Variants in MAPK10 observed in about 807,000 individuals in gnomAD.
MAPK10 encodes JNK3 alpha protein kinase.
Under a neutral mutation model 59.3 loss-of-function variants are expected in MAPK10, and 25 were observed. The observed-to-expected ratio is 0.42, with a 90% CI of 0.31 to 0.59. The LOEUF (loss-of-function observed/expected upper bound fraction) is 0.59, where lower values mean the gene tolerates loss of function less well. Among genes scored for constraint, MAPK10 ranks in the 20% least tolerant of loss-of-function variants. MAPK10 has a pLI of 0.15. For synonymous variants in MAPK10, 190 were observed against 200.5 expected, an observed-to-expected ratio of 0.95 and a Z score of 0.44; for missense variants, 351 against 568.9, an observed-to-expected ratio of 0.62 and a Z score of 3.90.
At chr4:86,095,353 T>G (rs2054028702) in intron 9 of MAPK10, 1 of 151,892 alleles carries the variant, frequency 6.6e-6, no homozygotes, top group Non-Finnish European at 1.5e-5. Context: ...CTATTTTTGC[T>G]TAGGGTTCAA....
Position 86,397,864 on chromosome 4 carries a change from CAAAAAAA to C in MAPK10, c.-121-43227_-121-43221del, listed in dbSNP as rs759585442. Among the ~76,000 whole-genome samples, 13 of 51,772 alleles carry C rather than the reference CAAAAAAA, an allele frequency of 2.5e-4. No homozygotes were observed. The East Asian group carries it at 2.5e-3, about 10-fold the overall frequency. The allele number at this position is 51,772 out of a possible 152,430, so 34.0% of individuals were successfully genotyped here. On this transcript the variant is annotated intron_variant, in intron 1 of 13. Coordinates refer to the MAPK10 transcript ENST00000361569. ...TACGTAAGCTCTGAATCTGCTATGG[CAAAAAAA>C]AAAAAAAAAAAAAAAAAAACTGGCT...
chr4:86,530,025 G>T (rs1359850697), intron 1 of MAPK10, among the ~76,000 whole-genome samples: 9 of 149,678 alleles, frequency 6.0e-5, no homozygotes, highest in African/African-American at 1.7e-4. Context: ...GGGGCTTTTG[G>T]CTGTATATTA....
At chr4:86,493,253 G>T (rs575948006) in intron 1 of MAPK10, among the ~76,000 whole-genome samples, 15 of 152,254 alleles carry the variant, frequency 9.9e-5, no homozygotes, top group African/African-American at 3.6e-4. Flanking sequence ...CCTGATTTGC[G>T]AATCGTTCAT....
intron 1 of MAPK10, among the ~76,000 whole-genome samples, chr4:86,516,433 T>A (rs1248325509): frequency 6.6e-6 from 1 of 152,184 alleles, no homozygotes; most frequent in Non-Finnish European, 1.5e-5. Flanking sequence ...GATGATGGTA[T>A]TTGATGGCAA....
chr4:86,127,075 A>G (rs2060190614), intron 4 of MAPK10, among the ~76,000 whole-genome samples: 1 of 151,984 alleles, frequency 6.6e-6, no homozygotes. Context: ...ATCCCTGCAC[A>G]TTATTTTGTG....
intron 2 of MAPK10, among the ~76,000 whole-genome samples, chr4:86,202,162 T>C (rs2082768207): frequency 6.6e-6 from 1 of 152,092 alleles, no homozygotes; most frequent in Admixed American, 6.6e-5. Flanking sequence ...TTGATATTAT[T>C]TTAAATGGTA....
chr4:86,461,135 T>TC (rs1751700870), intron 1 of MAPK10, among the ~76,000 whole-genome samples: 1 of 151,210 alleles, frequency 6.6e-6, no homozygotes, highest in Non-Finnish European at 1.5e-5. Context: ...ACTCTTTTTT[T>TC]TTTTTGAAAT....
chr4:86,416,007 A>G (rs1745817226), intron 1 of MAPK10, among the ~76,000 whole-genome samples: 1 of 152,216 alleles, frequency 6.6e-6, no homozygotes, highest in Admixed American at 6.5e-5. Flanking sequence ...GTGAATAATA[A>G]GAGTACCACT....
intron 1 of MAPK10, among the ~76,000 whole-genome samples, chr4:86,381,388 G>A (rs1298658615): frequency 6.6e-6 from 1 of 152,138 alleles, no homozygotes; most frequent in African/African-American, 2.4e-5. Flanking sequence ...GACTGCTGCA[G>A]TAACCTTCTA....
chr4:86,035,240 A>G lies in MAPK10; in HGVS notation c.1111-3809T>C, dbSNP rs567260620. Among the ~76,000 whole-genome samples, 446 of 151,684 alleles carry G rather than the reference A, an allele frequency of 2.9e-3. 3 individuals are homozygous for G. In the Middle Eastern group the frequency reaches 0.037, roughly 13 times the overall value. ...ACAAAAATTAGCCGGGCATGGTGGC[A>G]GGCACCTGTAATCCCAGCTACTCGG... is the stretch of plus-strand genomic sequence containing the variant. On this transcript the variant is annotated intron_variant, in intron 11 of 13. Coordinates refer to ENST00000641462, the MANE Select transcript of MAPK10 (RefSeq NM_138982.4).
chr4:86,188,394 C>T (rs994744787), intron 3 of MAPK10, among the ~76,000 whole-genome samples: 2 of 152,192 alleles, frequency 1.3e-5, no homozygotes, highest in Admixed American at 6.5e-5. Context: ...TCCTCCACAT[C>T]CTCTCCAGCA....
At chr4:86,026,058 G>A (rs1750018773) in intron 13 of MAPK10, among the ~76,000 whole-genome samples, 1 of 152,124 alleles carries the variant, frequency 6.6e-6, no homozygotes, top group South Asian at 2.1e-4. Context: ...CCCATGGTGG[G>A]GAATGTGGTC....
chr4:86,420,785 T>A (rs1244223714), intron 1 of MAPK10, among the ~76,000 whole-genome samples: 1 of 145,826 alleles, frequency 6.9e-6, no homozygotes, highest in African/African-American at 2.6e-5. Context: ...TGAGACCCTG[T>A]CAAAAAAAGT....
intron 1 of MAPK10, among the ~76,000 whole-genome samples, chr4:86,484,988 G>A (rs1579366493): frequency 6.6e-6 from 1 of 152,158 alleles, no homozygotes; most frequent in Admixed American, 6.5e-5. Context: ...TAAATAAGTG[G>A]TTATGTGTAG....
At chr4:86,366,790 A>G (rs577195232) in intron 1 of MAPK10, among the ~76,000 whole-genome samples, 2 of 152,306 alleles carry the variant, frequency 1.3e-5, no homozygotes, top group African/African-American at 4.8e-5. Context: ...CCAATTCTCA[A>G]GTGAATTAAG....
At chr4:86,182,835 A>G (rs991997791) in intron 3 of MAPK10, among the ~76,000 whole-genome samples, 7 of 152,110 alleles carry the variant, frequency 4.6e-5, no homozygotes, top group Non-Finnish European at 7.4e-5. Flanking sequence ...CGTTATATGC[A>G]TGCATATTTT....
At chr4:86,180,067 T>C (rs1176393375) in intron 3 of MAPK10, among the ~76,000 whole-genome samples, 1 of 151,586 alleles carries the variant, frequency 6.6e-6, no homozygotes, top group Non-Finnish European at 1.5e-5. Flanking sequence ...TGGGAGAAAA[T>C]ATTTTCAAAC....
At chr4:86,220,910 A>C (rs1243844545) in intron 2 of MAPK10, among the ~76,000 whole-genome samples, 2 of 152,202 alleles carry the variant, frequency 1.3e-5, no homozygotes, top group African/African-American at 4.8e-5. Flanking sequence ...CGAACAACAT[A>C]AGGGGCTTTT....
chr4:86,250,784 G>C lies in MAPK10; in HGVS notation c.-6-56377C>G, dbSNP rs116102892. Reference sequence around the variant, plus strand: ...CAATGTACTACTGTCAAGGAAACACGTTCTCAAAGAGCCAGACTGATTAAT... The same window carrying C: ...CAATGTACTACTGTCAAGGAAACACCTTCTCAAAGAGCCAGACTGATTAAT... On this transcript the variant is annotated intron_variant, in intron 2 of 13. Transcript: ENST00000641462. 2.9e-3 allele frequency among the ~76,000 whole-genome samples: 447 copies of C among 152,218 alleles called. 2 individuals are homozygous for C. Among genetic ancestry groups the C allele is most frequent in the African/African-American group, 0.01 (434 of 41,530 alleles).
Sources: gnomAD v4.1 joint callset for allele counts (sites outside exome capture counted in the v4.1 genomes callset) on GRCh38, gnomAD v4.1.1 for gene constraint, MANE v1.5 for transcripts, NCBI Gene and HGNC (gene_info 2026-07-23, HGNC 2026-07-21) for gene names.